LINGO2: variants seen among roughly 807,000 people sequenced by gnomAD.
The protein encoded by LINGO2 is leucine-rich repeat and immunoglobulin-like domain-containing nogo receptor-interacting protein 2.
A neutral mutation model predicts 30.6 loss-of-function variants in LINGO2; 14 were observed. The ratio of observed to expected loss-of-function variants is 0.46; its 90% CI spans 0.30 to 0.72. The LOEUF (loss-of-function observed/expected upper bound fraction) is 0.72. LINGO2 is among the 30% of genes least tolerant of loss of function. The pLI is 0.07. For missense variants in LINGO2, 729 were observed against 751.7 expected (o/e 0.97, Z 0.35); for synonymous variants, 317 against 288.5 (o/e 1.10, Z -1.00).
chr9:28,279,946 T>C (rs1378854187), intron 4 of LINGO2, among the ~76,000 whole-genome samples: 2 of 152,184 alleles, frequency 1.3e-5, no homozygotes, highest in East Asian at 1.9e-4. Context: ...TAGTCTTTTA[T>C]GTGTTTTTAT....
the LINGO2 span, among the ~76,000 whole-genome samples, chr9:29,154,847 G>T: frequency 6.6e-6 from 1 of 152,116 alleles, no homozygotes; most frequent in Admixed American, 6.6e-5. Context: ...TAGAAAAGAT[G>T]AAAGAAGTGT....
the LINGO2 span, among the ~76,000 whole-genome samples, chr9:29,084,080 T>A: frequency 1.3e-5 from 2 of 150,670 alleles, no homozygotes; most frequent in Non-Finnish European, 3.0e-5. Context: ...TAAAACTGTA[T>A]AAGTAATAAA....
intron 2 of LINGO2, among the ~76,000 whole-genome samples, chr9:28,450,348 G>A (rs1476370252): frequency 6.6e-6 from 1 of 152,022 alleles, no homozygotes; most frequent in East Asian, 1.9e-4. Flanking sequence ...GAGTATAAGT[G>A]CTTTTTAAGA....
chr9:28,343,725 A>T (rs891177663), intron 3 of LINGO2, among the ~76,000 whole-genome samples: 1 of 152,170 alleles, frequency 6.6e-6, no homozygotes, highest in East Asian at 1.9e-4. Context: ...TCAAAAATGT[A>T]GGGAAAAAAT....
chr9:28,038,609 C>T (rs964205396), intron 4 of LINGO2, among the ~76,000 whole-genome samples: 2 of 150,582 alleles, frequency 1.3e-5, no homozygotes, highest in African/African-American at 4.9e-5. Context: ...AGGAGAATGG[C>T]GTGAACCCGG....
intron 1 of LINGO2, among the ~76,000 whole-genome samples, chr9:28,563,716 A>G (rs1823220366): frequency 6.6e-6 from 1 of 152,140 alleles, no homozygotes; most frequent in South Asian, 2.1e-4. Flanking sequence ...GTCCTCATGA[A>G]AAATCATCTA....
At chr9:28,341,950 G>A (rs1825780666) in intron 3 of LINGO2, among the ~76,000 whole-genome samples, 1 of 151,924 alleles carries the variant, frequency 6.6e-6, no homozygotes, top group African/African-American at 2.4e-5. Flanking sequence ...TATCCTATAG[G>A]GGAGAGTTAG....
chr9:28,629,529 A>T (rs1467983310), intron 1 of LINGO2, among the ~76,000 whole-genome samples: 1 of 152,016 alleles, frequency 6.6e-6, no homozygotes, highest in Non-Finnish European at 1.5e-5. Flanking sequence ...TTGAATTTGG[A>T]TATGAACACT....
At chr9:27,988,744 T>A (rs1452143595) in intron 5 of LINGO2, among the ~76,000 whole-genome samples, 1 of 151,828 alleles carries the variant, frequency 6.6e-6, no homozygotes, top group Non-Finnish European at 1.5e-5. Context: ...TCATCTGACC[T>A]CGCCCACAGA....
At chr9:28,651,264 T>G (rs1828091037) in intron 1 of LINGO2, among the ~76,000 whole-genome samples, 1 of 152,114 alleles carries the variant, frequency 6.6e-6, no homozygotes. Context: ...CACAGTGTCC[T>G]GATGAGTCAC....
At position 28,206,154 on chromosome 9, in the gene LINGO2, G is replaced by A. The variant is rs1328739601; in HGVS notation, c.-87+89054C>T. 2.8e-5 allele frequency among the ~76,000 whole-genome samples: 3 copies of A among 107,642 alleles called. No homozygotes were observed. In the East Asian group the frequency reaches 8.3e-4, roughly 30 times the overall value. 70.6% of individuals were successfully genotyped at this position (107,642 alleles called of 152,430 possible). A position where few individuals can be genotyped will look rare whatever the true frequency, so the allele number is the denominator to read the frequency against. ...CATTCCAGCCTGAGTGACAGAGTGA[G>A]ACCCTGTTTCAAAAAAAAAAAAAAA... On this transcript the variant is annotated intron_variant, in intron 4 of 5. Transcript: ENST00000379992.
At chr9:28,720,748 G>A in the LINGO2 span, among the ~76,000 whole-genome samples, 5,315 of 152,072 alleles carry the variant, frequency 0.035, 344 homozygotes, top group African/African-American at 0.12. Context: ...GAAGATTGGA[G>A]GAAGAGGAAT....
At chr9:28,637,663 A>G (rs1468331050) in intron 1 of LINGO2, among the ~76,000 whole-genome samples, 3 of 152,138 alleles carry the variant, frequency 2.0e-5, no homozygotes, top group African/African-American at 7.2e-5. Flanking sequence ...ATTTTTGCAC[A>G]TTGATTTTGA....
chr9:28,542,858 T>C (rs777383188), intron 1 of LINGO2, among the ~76,000 whole-genome samples: 2 of 151,994 alleles, frequency 1.3e-5, no homozygotes, highest in African/African-American at 4.8e-5. Flanking sequence ...GAGAACAACA[T>C]GCCTAAAGCT....
chr9:28,961,922 C>T, the LINGO2 span, among the ~76,000 whole-genome samples: 1 of 149,300 alleles, frequency 6.7e-6, no homozygotes, highest in South Asian at 2.2e-4. Flanking sequence ...GTTAATACTA[C>T]TTCTGACTTC....
At chr9:28,428,865 A>G (rs1244527022) in intron 2 of LINGO2, among the ~76,000 whole-genome samples, 1 of 152,158 alleles carries the variant, frequency 6.6e-6, no homozygotes, top group Non-Finnish European at 1.5e-5. Flanking sequence ...TTTAGGGAGA[A>G]TGTAAAGTAG....
At chr9:28,315,262 C>T (rs1421489276) in intron 3 of LINGO2, among the ~76,000 whole-genome samples, 1 of 151,040 alleles carries the variant, frequency 6.6e-6, no homozygotes, top group Non-Finnish European at 1.5e-5. Flanking sequence ...AAATTTAGCC[C>T]GACGAGGTGG....
At chr9:29,054,403 C>A in the LINGO2 span, among the ~76,000 whole-genome samples, 2 of 152,214 alleles carry the variant, frequency 1.3e-5, no homozygotes, top group East Asian at 3.9e-4. Flanking sequence ...ATTTTGAACT[C>A]CAAGTTTCTT....
At chr9:28,927,074 G>A in the LINGO2 span, among the ~76,000 whole-genome samples, 1 of 152,012 alleles carries the variant, frequency 6.6e-6, no homozygotes. Context: ...TTTTGCATTT[G>A]TCTTTCAAAC....
Sources: gnomAD v4.1 joint callset for allele counts (sites outside exome capture counted in the v4.1 genomes callset) on GRCh38, gnomAD v4.1.1 for gene constraint, MANE v1.5 for transcripts, NCBI Gene and HGNC (gene_info 2026-07-23, HGNC 2026-07-21) for gene names.